Variants in OXR1 observed in about 807,000 individuals in gnomAD.
OXR1 encodes oxidation resistance protein 1.
In OXR1, 41 loss-of-function variants were observed where a neutral mutation model predicts 104.6. The observed-to-expected ratio is 0.39, with a 90% confidence interval of 0.31 to 0.51. The LOEUF (loss-of-function observed/expected upper bound fraction) is 0.51. Ranked by LOEUF, OXR1 falls within the 20% of genes least tolerant of loss-of-function variation. The probability of loss-of-function intolerance (pLI) is 0.77; values close to 1 mark genes in which losing one functional copy is unlikely to be tolerated. For synonymous variants in OXR1, 348 were observed against 348.4 expected (o/e 1.00, Z 0.01); for missense variants, 955 against 1,031.9 (o/e 0.93, Z 1.02).
chr8:106,294,492 G>A (rs190172046), intron 1 of OXR1, among the ~76,000 whole-genome samples: 55 of 151,824 alleles, frequency 3.6e-4, no homozygotes, highest in African/African-American at 1.2e-3. Context: ...GACTTTATAG[G>A]AAGCATGGTG....
intron 2 of OXR1, among the ~76,000 whole-genome samples, chr8:106,460,388 A>G (rs1820837743): frequency 6.6e-6 from 1 of 152,158 alleles, no homozygotes; most frequent in South Asian, 2.1e-4. Context: ...TCTGCTTCCA[A>G]TTATCTGAGG....
At chr8:106,691,619 CATAT>C (rs35095319) in intron 6 of OXR1, among the ~76,000 whole-genome samples, 1,937 of 140,702 alleles carry the variant, frequency 0.014, 22 homozygotes, top group African/African-American at 0.038. Context: ...CATATATATA[CATAT>C]ATATATATAT....
chr8:106,513,745 G>T (rs1325146886), intron 2 of OXR1, among the ~76,000 whole-genome samples: 2 of 152,180 alleles, frequency 1.3e-5, no homozygotes, highest in African/African-American at 4.8e-5. Context: ...CTTACAAAAT[G>T]ATTGGAACTT....
intron 3 of OXR1, among the ~76,000 whole-genome samples, chr8:106,562,259 C>A (rs562276526): frequency 6.6e-6 from 1 of 151,906 alleles, no homozygotes; most frequent in South Asian, 2.1e-4. Context: ...TCTATAATAC[C>A]CGTTTAGAGA....
intron 2 of OXR1, among the ~76,000 whole-genome samples, chr8:106,451,719 T>C (rs1211577528): frequency 2.0e-5 from 3 of 152,226 alleles, no homozygotes; most frequent in African/African-American, 7.2e-5. Flanking sequence ...AGATTAGCAA[T>C]AGAAGTTTTA....
chr8:106,341,243 C>T (rs1815234125), intron 1 of OXR1, among the ~76,000 whole-genome samples: 1 of 151,962 alleles, frequency 6.6e-6, no homozygotes, highest in South Asian at 2.1e-4. Context: ...TCTAAAACAA[C>T]AGTAAATGCT....
intron 11 of OXR1, among the ~76,000 whole-genome samples, chr8:106,714,878 A>T (rs557086987): frequency 6.6e-6 from 1 of 152,300 alleles, no homozygotes; most frequent in Admixed American, 6.5e-5. Context: ...TTTGTTTAAA[A>T]TGCAAACTGA....
chr8:106,629,552 G>A (rs1822489339), intron 3 of OXR1, among the ~76,000 whole-genome samples: 1 of 152,066 alleles, frequency 6.6e-6, no homozygotes. Flanking sequence ...CACTGTCCAT[G>A]TTCTATTTTT....
At chr8:106,400,531 G>A (rs1006295493) in intron 2 of OXR1, among the ~76,000 whole-genome samples, 1 of 148,880 alleles carries the variant, frequency 6.7e-6, no homozygotes, top group African/African-American at 2.6e-5. Flanking sequence ...TTTTTCAAAG[G>A]TATTAAAATG....
At chr8:106,634,479 A>G (rs1485083619) in intron 3 of OXR1, among the ~76,000 whole-genome samples, 1 of 152,210 alleles carries the variant, frequency 6.6e-6, no homozygotes, top group East Asian at 1.9e-4. Context: ...ACAGATGAGA[A>G]AACTGAGGTT....
chr8:106,533,056 T>G (rs1448949022), intron 3 of OXR1, among the ~76,000 whole-genome samples: 11 of 152,162 alleles, frequency 7.2e-5, no homozygotes. Flanking sequence ...GGGTACTACA[T>G]TATATTTAGT....
intron 16 of OXR1, among the ~76,000 whole-genome samples, chr8:106,746,640 A>G (rs1016637027): frequency 2.6e-5 from 4 of 152,224 alleles, no homozygotes; most frequent in African/African-American, 9.6e-5. Flanking sequence ...AGGTTATTCT[A>G]TTATTAACAA....
chr8:106,425,083 G>GTTTTTTT (rs748444311), intron 2 of OXR1, among the ~76,000 whole-genome samples: 3 of 83,660 alleles, frequency 3.6e-5, no homozygotes, highest in Non-Finnish European at 6.7e-5. Context: ...GTTTGGTTTG[G>GTTTTTTT]TTTTTTTTTT....
chr8:106,604,980 G>A (rs763333624), intron 3 of OXR1: 3 of 152,050 alleles, frequency 2.0e-5, no homozygotes, highest in Admixed American at 6.6e-5. Context: ...ATTCATCCTG[G>A]GTAAAAGCCA....
In OXR1 at chr8:106,618,125, C is replaced by T. The variant is rs570297478; in HGVS notation, c.221-61085C>T. On this transcript the variant is annotated intron_variant, in intron 3 of 16. Transcript: ENST00000517566. Reference sequence around the variant, plus strand: ...CTGTCTCCTCTTCTTGAAAGCAGCTCACTGCTAGCTGAGCAAGGTTCGAAG... The same window carrying T: ...CTGTCTCCTCTTCTTGAAAGCAGCTTACTGCTAGCTGAGCAAGGTTCGAAG... 1.6e-5 allele frequency: 24 copies of T among 1,535,978 alleles called. No homozygotes were observed. In the South Asian group the frequency reaches 2.5e-4, roughly 16 times the overall value.
intron 3 of OXR1, among the ~76,000 whole-genome samples, chr8:106,561,705 C>T (rs1025058038): frequency 1.3e-5 from 2 of 152,212 alleles, no homozygotes; most frequent in Admixed American, 6.5e-5. Flanking sequence ...CAATGGTCGA[C>T]AGACACCTCA....
At chr8:106,736,392 G>A (rs1834379796) in intron 11 of OXR1, among the ~76,000 whole-genome samples, 1 of 152,114 alleles carries the variant, frequency 6.6e-6, no homozygotes, top group African/African-American at 2.4e-5. Flanking sequence ...TTTACTGGTA[G>A]CCAGTTCCTT....
intron 2 of OXR1, among the ~76,000 whole-genome samples, chr8:106,498,669 G>A (rs1811571728): frequency 6.6e-6 from 1 of 152,120 alleles, no homozygotes; most frequent in Non-Finnish European, 1.5e-5. Flanking sequence ...GGGCGTGTGT[G>A]CTTGTAAGTG....
chr8:106,544,359 T>C (rs1467172759), intron 3 of OXR1, among the ~76,000 whole-genome samples: 1 of 152,196 alleles, frequency 6.6e-6, no homozygotes. Context: ...TGAGCATTTT[T>C]GTTAGAAAGT....
Sources: gnomAD v4.1 joint callset for allele counts (sites outside exome capture counted in the v4.1 genomes callset) on GRCh38, gnomAD v4.1.1 for gene constraint, MANE v1.5 for transcripts, NCBI Gene and HGNC (gene_info 2026-07-23, HGNC 2026-07-21) for gene names.